RCOR3: variants seen among roughly 807,000 people sequenced by gnomAD.
RCOR3 encodes REST corepressor 3.
In RCOR3, 13 loss-of-function variants were observed where a neutral mutation model predicts 64.1. That is an observed-to-expected ratio of 0.20 (90% CI 0.13 to 0.32). The LOEUF is 0.32. Among genes scored for constraint, RCOR3 ranks in the 10% least tolerant of loss-of-function variants. The pLI, the probability that RCOR3 is intolerant of heterozygous loss-of-function variation, is 1.00. For synonymous variants in RCOR3, 215 were observed against 239.0 expected, an observed-to-expected ratio of 0.90 and a Z score of 0.93; for missense variants, 489 against 701.2, an observed-to-expected ratio of 0.70 and a Z score of 3.42.
chr1:211,259,401 G>C lies in RCOR3; in HGVS notation c.-160G>C. On this transcript the variant is annotated 5_prime_UTR_variant, in exon 1 of 12. Transcript: ENST00000419091. ...GGCGACTGCGCTACTGCCGGAGCGG[G>C]GCGGTTATGGCGGCTCCATATTAAC... 1.6e-6 allele frequency: 1 copy of C among 629,660 alleles called. No homozygotes were observed. Among genetic ancestry groups the C allele is most frequent in the Non-Finnish European group, 2.6e-6 (1 of 379,834 alleles). 39.0% of individuals were successfully genotyped at this position (629,660 alleles called of 1,614,324 possible).
In RCOR3 at chr1:211,260,102, T is replaced by C. The variant is rs1371086164; in HGVS notation, c.167-6T>C. On this transcript the variant is annotated splice_polypyrimidine_tract_variant and splice_region_variant and intron_variant, in intron 1 of 11. Transcript: ENST00000419091. ...TTTATATATATTTTTTGGCATTGCT[T>C]TGCAGATGTTGGGATGAGAGTCGGA... 1 of 1,609,262 alleles carries C rather than the reference T, an allele frequency of 6.2e-7. No homozygotes were observed. Among genetic ancestry groups the C allele is most frequent in the Admixed American group, 1.7e-5 (1 of 59,836 alleles).
chr1:211,284,838 A>G (rs1464874199), intron 7 of RCOR3, among the ~76,000 whole-genome samples: 1 of 152,190 alleles, frequency 6.6e-6, no homozygotes, highest in Non-Finnish European at 1.5e-5. Context: ...ATTTTTTAAT[A>G]CGGAATTGAA....
chr1:211,309,086 T>A (rs915122517), intron 10 of RCOR3, among the ~76,000 whole-genome samples: 1,644 of 113,466 alleles, frequency 0.014, no homozygotes, highest in Non-Finnish European at 0.016. Context: ...TAGCTAAACA[T>A]AAAAAAAAAA....
At chr1:211,295,848 T>A in intron 9 of RCOR3, 95 bp downstream of exon 9, 2 of 805,310 alleles carry the variant, frequency 2.5e-6, no homozygotes, top group Non-Finnish European at 4.2e-6. Flanking sequence ...CATGCATCAT[T>A]AATACTTTGA....
At chr1:211,273,918 T>C (rs759866475) in intron 3 of RCOR3, among the ~76,000 whole-genome samples, 30 of 152,306 alleles carry the variant, frequency 2.0e-4, no homozygotes, top group Non-Finnish European at 3.1e-4. Flanking sequence ...ATCTATTGGC[T>C]ACCCATAGAT....
intron 7 of RCOR3, among the ~76,000 whole-genome samples, chr1:211,286,972 C>T (rs578149693): frequency 6.6e-6 from 1 of 152,156 alleles, no homozygotes; most frequent in Admixed American, 6.5e-5. Context: ...TGGTCATAAA[C>T]AGATTTTTTG....
At chr1:211,291,286 C>G (rs1007875324) in intron 8 of RCOR3, among the ~76,000 whole-genome samples, 5 of 152,140 alleles carry the variant, frequency 3.3e-5, no homozygotes, top group South Asian at 2.1e-4. Context: ...TTGAGCATCC[C>G]TAATCTGAAA....
intron 7 of RCOR3, among the ~76,000 whole-genome samples, chr1:211,287,210 A>G (rs768559150): frequency 6.6e-6 from 1 of 152,154 alleles, no homozygotes; most frequent in African/African-American, 2.4e-5. Context: ...AGTGAGATGG[A>G]CATGGCTCCC....
Position 211,313,878 on chromosome 1 carries a change from G to T in RCOR3, c.*110G>T, listed in dbSNP as rs746038798. 8 of 1,038,190 alleles carry T rather than the reference G, an allele frequency of 7.7e-6. No individual in the cohort carries two copies. The highest frequency in any genetic ancestry group is 1.1e-5 in the Non-Finnish European group (8 of 725,040). The allele number at this position is 1,038,190 out of a possible 1,614,324, so 64.3% of individuals were successfully genotyped here. On this transcript the variant is annotated 3_prime_UTR_variant, in exon 12 of 12. Coordinates refer to ENST00000419091, the MANE Select transcript of RCOR3 (RefSeq NM_001136223.3). The surrounding 1 kb of genome is among the most constrained non-coding windows in gnomAD (Gnocchi z 4.7). ...AATCATTTCTAGATACTGAGGCTGC[G>T]AACTAGTTCTGTGGCAGTGGACTAG... is the stretch of plus-strand genomic sequence containing the variant.
chr1:211,265,443 C>T (rs921813922), intron 2 of RCOR3, among the ~76,000 whole-genome samples: 2 of 152,114 alleles, frequency 1.3e-5, no homozygotes, highest in Non-Finnish European at 2.9e-5. Context: ...TTGGGCCCGG[C>T]GCGGTGGCTC....
intron 2 of RCOR3, among the ~76,000 whole-genome samples, chr1:211,264,003 T>A (rs35349566): frequency 1.3e-5 from 2 of 152,112 alleles, no homozygotes; most frequent in Non-Finnish European, 2.9e-5. Context: ...TTTGTATTTT[T>A]GTAGAGAAAA....
chr1:211,269,666 G>A (rs1021994780), intron 2 of RCOR3, among the ~76,000 whole-genome samples: 2 of 152,124 alleles, frequency 1.3e-5, no homozygotes, highest in Non-Finnish European at 2.9e-5. Context: ...CTAAGAATTA[G>A]GTAGACCAGA....
intron 7 of RCOR3, among the ~76,000 whole-genome samples, chr1:211,284,355 C>T (rs1218831794): frequency 6.6e-6 from 1 of 152,174 alleles, no homozygotes; most frequent in Non-Finnish European, 1.5e-5. Flanking sequence ...GCTGGGATTA[C>T]AGGCGTGAGC....
Position 211,312,138 on chromosome 1 carries a change from C to T in RCOR3, c.1076-582C>T. The T allele has an allele frequency of 4.9e-6, 1 of 203,708 alleles. No individual in the cohort carries two copies. The highest frequency in any genetic ancestry group is 7.2e-5 in the South Asian group (1 of 13,972). The allele number at this position is 203,708 out of a possible 1,614,324, so 12.6% of individuals were successfully genotyped here. A position where few individuals can be genotyped will look rare whatever the true frequency, so the allele number is the denominator to read the frequency against. On this transcript the variant is annotated intron_variant, in intron 10 of 11. Transcript: ENST00000419091. The surrounding 1 kb of genome is among the most constrained non-coding windows in gnomAD (Gnocchi z 5.0). ...CAAAATCCACCAACTTGTGATGATT[C>T]TCCTGCTTTTCATGTTTAAGTTCTT...
intron 2 of RCOR3, among the ~76,000 whole-genome samples, chr1:211,266,816 G>T (rs1327071821): frequency 6.6e-6 from 1 of 152,204 alleles, no homozygotes; most frequent in Non-Finnish European, 1.5e-5. Context: ...GTCCCAAGAG[G>T]TAGATAAGTT....
At position 211,310,608 on chromosome 1, in the gene RCOR3, C is replaced by G. The variant is rs552981102; in HGVS notation, c.1076-2112C>G. ...TTTGAGTTTAAGGTGTATAATTTTA[C>G]AAATGTAACAATATTGATGACAAGG... is the stretch of plus-strand genomic sequence containing the variant. On this transcript the variant is annotated intron_variant, in intron 10 of 11. Transcript: ENST00000419091. Among the ~76,000 whole-genome samples, 8 of 152,108 alleles carry G rather than the reference C, an allele frequency of 5.3e-5. No individual in the cohort carries two copies. The East Asian group carries it at 1.5e-3, about 29-fold the overall frequency.
intron 7 of RCOR3, among the ~76,000 whole-genome samples, chr1:211,288,248 GA>G (rs1698791208): frequency 6.6e-6 from 1 of 151,176 alleles, no homozygotes; most frequent in Non-Finnish European, 1.5e-5. Flanking sequence ...TATATTCATT[GA>G]AATAATCTTC....
chr1:211,266,708 T>C (rs1022631214), intron 2 of RCOR3, among the ~76,000 whole-genome samples: 3 of 152,232 alleles, frequency 2.0e-5, no homozygotes, highest in Non-Finnish European at 4.4e-5. Flanking sequence ...ATATTGTTAC[T>C]GTTAAAGACA....
At position 211,288,637 on chromosome 1, in the gene RCOR3, A is replaced by G. The variant is rs17017355; in HGVS notation, c.721-541A>G. Among the ~76,000 whole-genome samples the G allele has an allele frequency of 4.3e-3, 644 of 149,912 alleles. 3 individuals are homozygous for G. The highest frequency in any genetic ancestry group is 0.015 in the African/African-American group (617 of 41,128). ...TTAATCATAGATTTGGAAGTTAGAA[A>G]TATTTTCAGGGTTAAGATAATTGTG... On this transcript the variant is annotated intron_variant, in intron 7 of 11. Coordinates refer to ENST00000419091, the MANE Select transcript of RCOR3 (RefSeq NM_001136223.3).
Sources: allele counts gnomAD v4.1 joint callset (sites outside exome capture counted in the v4.1 genomes callset), GRCh38; gene constraint gnomAD v4.1.1; non-coding constraint Gnocchi (gnomAD v3.1); transcripts MANE v1.5; gene names NCBI Gene and HGNC (gene_info 2026-07-23, HGNC 2026-07-21).